The following SH3RF1 variants were observed in gnomAD, a reference collection of about 807,000 sequenced individuals.
The protein encoded by SH3RF1 is SH3 domain containing ring finger 1.
In SH3RF1, 32 loss-of-function variants were observed where a neutral mutation model predicts 74.0. The ratio of observed to expected loss-of-function variants is 0.43; its 90% CI spans 0.33 to 0.58. The LOEUF is 0.58. Ranked by LOEUF, SH3RF1 falls within the 20% of genes least tolerant of loss-of-function variation. The probability of loss-of-function intolerance (pLI) is 0.05; values close to 1 mark genes in which losing one functional copy is unlikely to be tolerated. For synonymous variants in SH3RF1, 396 were observed against 439.6 expected (o/e 0.90, Z 1.24); for missense variants, 954 against 1,130.9 (o/e 0.84, Z 2.24).
At position 169,116,259 on chromosome 4, in the gene SH3RF1, A is replaced by G. The variant is rs2126942917; in HGVS notation, c.2139+10T>C. The G allele has an allele frequency of 6.3e-7, 1 of 1,587,088 alleles. No individual in the cohort carries two copies. Among genetic ancestry groups the G allele is most frequent in the Non-Finnish European group, 8.6e-7 (1 of 1,164,558 alleles). ...TAAAGCAGAGAAACAGTAAGTAAGT[A>G]TGGTCTTACTTTGCTATCCTTGTCT... is the stretch of plus-strand genomic sequence containing the variant. On this transcript the variant is annotated intron_variant, in intron 10 of 11. Coordinates refer to ENST00000284637, the MANE Select transcript of SH3RF1 (RefSeq NM_020870.4).
In SH3RF1 at chr4:169,128,750, C is replaced by T. The variant is rs1477443351; in HGVS notation, c.1179+1296G>A. ...GAGGGGCTACAAATCTGGTCCTAAG[C>T]ACTCTAGCAGAGGGAAATAAAATCT... On this transcript the variant is annotated intron_variant, in intron 6 of 11. Transcript: ENST00000284637. 1.3e-5 allele frequency among the ~76,000 whole-genome samples: 2 copies of T among 152,128 alleles called. 1 individual carries two copies. Among genetic ancestry groups the T allele is most frequent in the East Asian group, 3.9e-4 (2 of 5,194 alleles).
chr4:169,222,394 G>A (rs972846213), intron 2 of SH3RF1, among the ~76,000 whole-genome samples: 17 of 152,014 alleles, frequency 1.1e-4, no homozygotes, highest in Middle Eastern at 3.2e-3. Flanking sequence ...GAACCTGGGA[G>A]GTGGAGGTTG....
intron 4 of SH3RF1, 27 bp downstream of exon 4, chr4:169,155,453 A>G (rs1257606955): frequency 2.0e-6 from 3 of 1,511,440 alleles, no homozygotes; most frequent in Non-Finnish European, 2.8e-6. Context: ...ATATTAACAC[A>G]GTTCAAGTTT....
intron 10 of SH3RF1, among the ~76,000 whole-genome samples, chr4:169,112,327 A>G (rs1028202176): frequency 8.5e-5 from 13 of 152,230 alleles, no homozygotes; most frequent in African/African-American, 3.1e-4. Flanking sequence ...ATTCTGATCA[A>G]CTAGAGGGAG....
At chr4:169,238,770 G>A (rs112766244) in intron 2 of SH3RF1, among the ~76,000 whole-genome samples, 21 of 152,290 alleles carry the variant, frequency 1.4e-4, no homozygotes, top group African/African-American at 4.1e-4. Flanking sequence ...CATTTCAGCT[G>A]CCCTAATATA....
In SH3RF1 at chr4:169,270,237, C is replaced by T. The variant is rs770126056; in HGVS notation, c.-96+622G>A. 5.2e-4 allele frequency among the ~76,000 whole-genome samples: 79 copies of T among 152,256 alleles called. 1 individual carries two copies. Among genetic ancestry groups the T allele is most frequent in the Non-Finnish European group, 8.2e-4 (56 of 68,018 alleles). On this transcript the variant is annotated intron_variant, in intron 1 of 11. Coordinates refer to ENST00000284637, the MANE Select transcript of SH3RF1 (RefSeq NM_020870.4). ...CGGGGGAGCCCCAGGGCTGCACCCC[C>T]GCTCCCACGGCGCCAAGCACAGGTA...
At position 169,120,742 on chromosome 4, in the gene SH3RF1, T is replaced by C. The variant is rs11936989; in HGVS notation, c.1517+77A>G. 735 of 1,485,800 alleles carry C rather than the reference T, an allele frequency of 4.9e-4. 2 individuals are homozygous for C. In the African/African-American group the frequency reaches 8.0e-3, roughly 16 times the overall value. The allele number at this position is 1,485,800 out of a possible 1,614,324, so 92.0% of individuals were successfully genotyped here. Reference sequence around the variant, plus strand: ...AGGCAATTATAATGTGAAAGGAATCTGGATAGGCTGAAAACCATGGAAAAG... The same window carrying C: ...AGGCAATTATAATGTGAAAGGAATCCGGATAGGCTGAAAACCATGGAAAAG... On this transcript the variant is annotated intron_variant, in intron 8 of 11. Coordinates refer to ENST00000284637, the MANE Select transcript of SH3RF1 (RefSeq NM_020870.4).
chr4:169,184,605 T>C (rs1218477890), intron 2 of SH3RF1, among the ~76,000 whole-genome samples: 2 of 152,192 alleles, frequency 1.3e-5, no homozygotes, highest in African/African-American at 2.4e-5. Context: ...CGGAGACCAC[T>C]AATTAACTAT....
chr4:169,096,309 T>C lies in SH3RF1; in HGVS notation c.*210A>G, dbSNP rs1449814837. The C allele has an allele frequency of 1.1e-5, 6 of 566,244 alleles. No homozygotes were observed. The highest frequency in any genetic ancestry group is 1.8e-5 in the Non-Finnish European group (6 of 326,566). 35.1% of individuals were successfully genotyped at this position (566,244 alleles called of 1,614,324 possible). ...AAATCAGACAGTACAAGGCACACCTTATACATCCGAATCCAGACTAACAAA... is the reference window on the plus strand; with the variant it reads ...AAATCAGACAGTACAAGGCACACCTCATACATCCGAATCCAGACTAACAAA... On this transcript the variant is annotated 3_prime_UTR_variant, in exon 12 of 12. Coordinates refer to ENST00000284637, the MANE Select transcript of SH3RF1 (RefSeq NM_020870.4).
Position 169,156,426 on chromosome 4 carries a change from TTGTC to T in SH3RF1, c.643_646del (p.Asp215LysfsTer12). 1 of 1,595,346 alleles carries T rather than the reference TTGTC, an allele frequency of 6.3e-7. No homozygotes were observed. Among genetic ancestry groups the T allele is most frequent in the Non-Finnish European group, 8.6e-7 (1 of 1,167,364 alleles). On this transcript the variant is annotated frameshift_variant, in exon 3 of 12. Transcript: ENST00000284637. LOFTEE classifies it high-confidence loss of function. ...TACCTTTGCAAATGGAAGGCAATCT[TTGTC>T]TGCTTCCTTGTCTTTCACTTCAAAG...
intron 4 of SH3RF1, among the ~76,000 whole-genome samples, chr4:169,143,456 C>T (rs181784065): frequency 6.6e-6 from 1 of 152,280 alleles, no homozygotes; most frequent in African/African-American, 2.4e-5. Context: ...GATGGCACAG[C>T]TCTAGACTCT....
rs183533524 is a variant in SH3RF1, at chr4:169,181,112, C to T, written c.394-24433G>A. Among the ~76,000 whole-genome samples the T allele has an allele frequency of 3.3e-5, 5 of 152,248 alleles. No individual in the cohort carries two copies. In the East Asian group the frequency reaches 9.7e-4, roughly 29 times the overall value. On this transcript the variant is annotated intron_variant, in intron 2 of 11. Transcript: ENST00000284637. Reference sequence around the variant, plus strand: ...TTCGAATGTTCTTAGACATACTATACAGTGAGCCGTGCTGAAAATAATAGC... The same window carrying T: ...TTCGAATGTTCTTAGACATACTATATAGTGAGCCGTGCTGAAAATAATAGC...
At chr4:169,149,125 G>A (rs1314203833) in intron 4 of SH3RF1, among the ~76,000 whole-genome samples, 2 of 152,090 alleles carry the variant, frequency 1.3e-5, no homozygotes, top group Admixed American at 1.3e-4. Context: ...AACATTAACC[G>A]ATCTTTACAA....
intron 2 of SH3RF1, among the ~76,000 whole-genome samples, chr4:169,202,809 G>C (rs549016779): frequency 9.2e-5 from 14 of 152,132 alleles, no homozygotes; most frequent in Non-Finnish European, 1.5e-4. Flanking sequence ...TGTACCTAAA[G>C]TAAAGCTTAA....
intron 10 of SH3RF1, among the ~76,000 whole-genome samples, chr4:169,115,934 G>C (rs1248672297): frequency 1.3e-5 from 2 of 152,200 alleles, no homozygotes; most frequent in Non-Finnish European, 2.9e-5. Context: ...AGTAACTAAA[G>C]GGAAAAGGAA....
chr4:169,144,269 C>G (rs1733835217), intron 4 of SH3RF1, among the ~76,000 whole-genome samples: 1 of 152,176 alleles, frequency 6.6e-6, no homozygotes, highest in Non-Finnish European at 1.5e-5. Context: ...GGGTATGCCT[C>G]CCATTTCTCA....
In SH3RF1 at chr4:169,269,219, C is replaced by T. The variant is rs760788969; in HGVS notation, c.-7G>A. 5.8e-6 allele frequency: 9 copies of T among 1,557,634 alleles called. No homozygotes were observed. Among genetic ancestry groups the T allele is most frequent in the Non-Finnish European group, 6.9e-6 (8 of 1,158,340 alleles). On this transcript the variant is annotated 5_prime_UTR_variant, in exon 2 of 12. An upstream open reading frame in the 5' UTR loses its in-frame stop. Coordinates refer to ENST00000284637, the MANE Select transcript of SH3RF1 (RefSeq NM_020870.4). ...ACAAGGCTGATTCATCCATCTTTAT[C>T]TACTTTACTGAGAAAAAATCTTCAG...
In SH3RF1 at chr4:169,116,471, G is replaced by A. The variant is rs1026953867; in HGVS notation, c.1937C>T (p.Ala646Val). The change falls in exon 10 of 12, where the codon GCC becomes GTC. Residue 646 changes from alanine (A) to valine (V), a missense_variant. By Grantham distance (64) the Ala-to-Val change is moderately conservative (BLOSUM62 0). Around this residue, in one of 3 missense-constraint regions of SH3RF1, gnomAD observed 854 missense variants for 962.5 expected, o/e 0.89. Coordinates refer to ENST00000284637, the MANE Select transcript of SH3RF1 (RefSeq NM_020870.4). ...LMPGSATHTAAISISRASAPL... is the reference protein window; with the variant it reads ...LMPGSATHTAVISISRASAPL... ...GGCACTGGCTCGACTGATACTGATG[G>A]CAGCAGTGTGCGTGGCTGAGCCTGG... 3.1e-6 allele frequency: 5 copies of A among 1,613,892 alleles called. No homozygotes were observed. Among genetic ancestry groups the A allele is most frequent in the Admixed American group, 3.3e-5 (2 of 59,994 alleles).
At chr4:169,153,501 A>G (rs561749044) in intron 4 of SH3RF1, among the ~76,000 whole-genome samples, 1 of 152,292 alleles carries the variant, frequency 6.6e-6, no homozygotes, top group African/African-American at 2.4e-5. Flanking sequence ...ACTTAAGAAA[A>G]AGCCCCAGTT....
Sources: gnomAD v4.1 joint callset for allele counts (sites outside exome capture counted in the v4.1 genomes callset) on GRCh38, gnomAD v4.1.1 for gene constraint, gnomAD v4.1.1 regional missense constraint, MANE v1.5 for transcripts, NCBI Gene and HGNC (gene_info 2026-07-23, HGNC 2026-07-21) for gene names.